The following EYS variants were observed in gnomAD, a reference collection of about 807,000 sequenced individuals.
EYS encodes the protein EGF-like photoreceptor maintenance factor, also known as protein eyes shut homolog.
In EYS, 250 loss-of-function variants were observed where a neutral mutation model predicts 282.1. The observed-to-expected ratio is 0.89, with a 90% CI of 0.80 to 0.98. The LOEUF (loss-of-function observed/expected upper bound fraction) is 0.98. Among genes scored for constraint, EYS ranks in the 50% least tolerant of loss-of-function variants. The pLI, the probability that EYS is intolerant of heterozygous loss-of-function variation, is 0.00. For synonymous variants in EYS, 1,355 were observed against 1,282.9 expected, an observed-to-expected ratio of 1.06 and a Z score of -1.20; for missense variants, 4,016 against 3,709.0, an observed-to-expected ratio of 1.08 and a Z score of -2.15.
intron 30 of EYS, among the ~76,000 whole-genome samples, chr6:64,235,819 T>A (rs1320102252): frequency 6.6e-6 from 1 of 152,142 alleles, no homozygotes; most frequent in South Asian, 2.1e-4. Flanking sequence ...TCTGAAATTG[T>A]GGCAATAATC....
chr6:64,495,362 C>T (rs975472983), intron 26 of EYS, among the ~76,000 whole-genome samples: 3 of 151,750 alleles, frequency 2.0e-5, no homozygotes, highest in African/African-American at 7.2e-5. Context: ...AGGATCTCAA[C>T]TTGGACTTGG....
At chr6:65,671,833 A>G (rs1332746233) in intron 1 of EYS, among the ~76,000 whole-genome samples, 1 of 152,112 alleles carries the variant, frequency 6.6e-6, no homozygotes, top group Non-Finnish European at 1.5e-5. Flanking sequence ...AGGAAATAGA[A>G]GACTGGAACA....
At position 65,454,332 on chromosome 6, in the gene EYS, G is replaced by A. The variant is rs114651251; in HGVS notation, c.862+36262C>T. 8.8e-3 allele frequency among the ~76,000 whole-genome samples: 1,339 copies of A among 151,758 alleles called. 10 individuals are homozygous for A. The highest frequency in any genetic ancestry group is 0.021 in the African/African-American group (878 of 41,430). On this transcript the variant is annotated intron_variant, in intron 5 of 42. Transcript: ENST00000503581. ...TCTTCTTTTGAGAAATGTATATTAA[G>A]TTTTTTTGCCCATTGCTAAATCAGA... is the stretch of plus-strand genomic sequence containing the variant.
chr6:65,265,360 AT>A (rs1371618531), intron 12 of EYS, among the ~76,000 whole-genome samples: 3 of 152,066 alleles, frequency 2.0e-5, no homozygotes, highest in Non-Finnish European at 4.4e-5. Flanking sequence ...ATTTGTATTT[AT>A]GGATTGTGTC....
At chr6:64,061,825 A>C (rs551426082) in intron 33 of EYS, among the ~76,000 whole-genome samples, 4 of 152,206 alleles carry the variant, frequency 2.6e-5, no homozygotes, top group African/African-American at 9.6e-5. Context: ...CCTGTTCTCT[A>C]CTAAAAATAC....
chr6:64,344,176 A>G (rs563760057), intron 29 of EYS, among the ~76,000 whole-genome samples: 4 of 152,290 alleles, frequency 2.6e-5, no homozygotes, highest in African/African-American at 9.6e-5. Flanking sequence ...CAATCAATAG[A>G]AAAAGAGGGA....
At chr6:65,617,913 T>C (rs1231840154) in intron 2 of EYS, among the ~76,000 whole-genome samples, 1 of 152,086 alleles carries the variant, frequency 6.6e-6, no homozygotes. Context: ...TAGTATTCCA[T>C]GGTGTATATG....
At chr6:64,706,530 C>G (rs527769279) in intron 22 of EYS, among the ~76,000 whole-genome samples, 1 of 152,104 alleles carries the variant, frequency 6.6e-6, no homozygotes, top group African/African-American at 2.4e-5. Flanking sequence ...AGACAACTCA[C>G]AGAATGGGAG....
rs4710471 is a variant in EYS at position 64,215,718 on chromosome 6, C to T, written c.6424+14874G>A. Among the ~76,000 whole-genome samples the T allele has an allele frequency of 4.6e-5, 7 of 151,958 alleles. No individual in the cohort carries two copies. The South Asian group carries it at 1.0e-3, about 22-fold the overall frequency. On this transcript the variant is annotated intron_variant, in intron 31 of 42. Coordinates refer to ENST00000503581, the MANE Select transcript of EYS (RefSeq NM_001142800.2). Reference sequence around the variant, plus strand: ...TTTCTATATCCCAGATGCTATGCTACATGCCAGGGAAAGAAAAAATATAAA... The same window carrying T: ...TTTCTATATCCCAGATGCTATGCTATATGCCAGGGAAAGAAAAAATATAAA...
chr6:64,050,983 T>C (rs1442949917), intron 33 of EYS, among the ~76,000 whole-genome samples: 1 of 152,190 alleles, frequency 6.6e-6, no homozygotes, highest in East Asian at 1.9e-4. Context: ...GTTATGCATT[T>C]TTATATTATA....
chr6:65,313,045 G>T (rs1017184052), intron 11 of EYS, among the ~76,000 whole-genome samples: 4 of 152,078 alleles, frequency 2.6e-5, no homozygotes, highest in South Asian at 4.1e-4. Flanking sequence ...CCAGCAACAC[G>T]GACACAAAGG....
At chr6:65,428,354 T>C (rs1767743605) in intron 5 of EYS, among the ~76,000 whole-genome samples, 1 of 152,172 alleles carries the variant, frequency 6.6e-6, no homozygotes, top group Non-Finnish European at 1.5e-5. Flanking sequence ...ATTGAAATGA[T>C]AAAAGGCTAA....
intron 12 of EYS, among the ~76,000 whole-genome samples, chr6:65,125,521 C>T (rs1775694386): frequency 6.6e-6 from 1 of 152,112 alleles, no homozygotes; most frequent in African/African-American, 2.4e-5. Context: ...TTCAATGTTA[C>T]CAATGTTCTT....
intron 12 of EYS, among the ~76,000 whole-genome samples, chr6:65,110,599 G>A (rs927985210): frequency 1.2e-4 from 18 of 151,926 alleles, no homozygotes; most frequent in African/African-American, 4.3e-4. Context: ...ATTTTTCCAC[G>A]TATCATCCCT....
intron 22 of EYS, among the ~76,000 whole-genome samples, chr6:64,701,071 A>G (rs911049304): frequency 6.6e-6 from 1 of 152,004 alleles, no homozygotes; most frequent in African/African-American, 2.4e-5. Context: ...AAGTCACGTA[A>G]CTATAGTCCA....
At chr6:65,445,196 C>G (rs949134403) in intron 5 of EYS, among the ~76,000 whole-genome samples, 5 of 151,756 alleles carry the variant, frequency 3.3e-5, no homozygotes, top group Non-Finnish European at 7.4e-5. Flanking sequence ...AGCCAAAGGT[C>G]TAGGTTCATC....
intron 32 of EYS, among the ~76,000 whole-genome samples, chr6:64,071,613 T>C (rs2149859755): frequency 6.9e-6 from 1 of 145,508 alleles, no homozygotes; most frequent in South Asian, 2.2e-4. Context: ...TTTAAAAGGG[T>C]ATATAAAAAC....
chr6:65,565,276 A>AAAAAAAAAAAAAAAAAAAAAC, intron 2 of EYS, among the ~76,000 whole-genome samples: 1 of 114,674 alleles, frequency 8.7e-6, no homozygotes, highest in Non-Finnish European at 1.7e-5. Context: ...AAAAAAAAAA[A>AAAAAAAAAAAAAAAAAAAAAC]AGTGGGTGAA....
At chr6:64,916,977 G>C (rs1768185447) in intron 15 of EYS, among the ~76,000 whole-genome samples, 1 of 152,192 alleles carries the variant, frequency 6.6e-6, no homozygotes, top group African/African-American at 2.4e-5. Flanking sequence ...TCATTAAGGT[G>C]CGTTGGCTCA....
Sources: gnomAD v4.1 joint callset for allele counts (sites outside exome capture counted in the v4.1 genomes callset) on GRCh38, gnomAD v4.1.1 for gene constraint, MANE v1.5 for transcripts, NCBI Gene and HGNC (gene_info 2026-07-23, HGNC 2026-07-21) for gene names.